Variants in WNT3A observed in about 807,000 individuals in gnomAD.
The protein encoded by WNT3A is Wnt family member 3A.
In WNT3A, 17 loss-of-function variants were observed where a neutral mutation model predicts 37.0. The ratio of observed to expected loss-of-function variants is 0.46; its 90% CI spans 0.31 to 0.69. The LOEUF (loss-of-function observed/expected upper bound fraction) is 0.69, where lower values mean the gene tolerates loss of function less well. WNT3A is among the 30% of genes least tolerant of loss of function. The pLI is 0.05. For missense variants in WNT3A, 411 were observed against 510.2 expected, an observed-to-expected ratio of 0.81 and a Z score of 1.87; for synonymous variants, 187 against 211.0, an observed-to-expected ratio of 0.89 and a Z score of 0.99.
chr1:228,029,771 C>A (rs537579443), intron 2 of WNT3A, among the ~76,000 whole-genome samples: 56 of 149,850 alleles, frequency 3.7e-4, no homozygotes, highest in African/African-American at 1.3e-3. Context: ...TTGAAATCCT[C>A]ACCCACAGGT....
At chr1:228,032,513 G>C (rs1272860278) in intron 2 of WNT3A, among the ~76,000 whole-genome samples, 1 of 152,208 alleles carries the variant, frequency 6.6e-6, no homozygotes, top group Admixed American at 6.5e-5. Flanking sequence ...CTAGGAGCCT[G>C]GTCATATACC....
Position 228,007,250 on chromosome 1 carries a change from G to T in WNT3A, c.71+51G>T. On this transcript the variant is annotated intron_variant, in intron 1 of 3. Transcript: ENST00000284523. The surrounding 1 kb of genome is among the most constrained non-coding windows in gnomAD (Gnocchi z 6.0). Reference sequence around the variant, plus strand: ...CCTGCCCCTGTGCGCCGCGCCCGCAGCAGACGGTCCCCTCGGGCAGGGACC... The same window carrying T: ...CCTGCCCCTGTGCGCCGCGCCCGCATCAGACGGTCCCCTCGGGCAGGGACC... 6.4e-7 allele frequency: 1 copy of T among 1,555,834 alleles called. No individual in the cohort carries two copies. The highest frequency in any genetic ancestry group is 1.2e-5 in the South Asian group (1 of 85,096).
chr1:228,045,223 TCTC>T (rs2031372986), intron 2 of WNT3A, among the ~76,000 whole-genome samples: 1 of 152,182 alleles, frequency 6.6e-6, no homozygotes, highest in African/African-American at 2.4e-5. Context: ...AGGCTCTGGT[TCTC>T]CTCTTACCAG....
At position 228,034,025 on chromosome 1, in the gene WNT3A, G is replaced by A. The variant is rs574199753; in HGVS notation, c.313+11117G>A. On this transcript the variant is annotated intron_variant, in intron 2 of 3. Coordinates refer to ENST00000284523, the MANE Select transcript of WNT3A (RefSeq NM_033131.4). ...GCCTGTAATCCCAGCACTTTGGGAG[G>A]CCAAGACAGGGAGATCATTTGAGGT... 9.9e-5 allele frequency among the ~76,000 whole-genome samples: 15 copies of A among 152,280 alleles called. No homozygotes were observed. In the East Asian group the frequency reaches 1.7e-3, roughly 18 times the overall value.
At position 228,046,907 on chromosome 1, in the gene WNT3A, G is replaced by A. The variant is rs117746228; in HGVS notation, c.314-3749G>A. Among the ~76,000 whole-genome samples, 570 of 152,238 alleles carry A rather than the reference G, an allele frequency of 3.7e-3. 11 individuals carry two copies. The highest frequency in any genetic ancestry group is 0.03 in the East Asian group (157 of 5,184). On this transcript the variant is annotated intron_variant, in intron 2 of 3. Coordinates refer to ENST00000284523, the MANE Select transcript of WNT3A (RefSeq NM_033131.4). ...GGTATGCATGTGTCTGTGTGCGCAC[G>A]CATGTGCGCATGTGGCTGTGCATGC... is the stretch of plus-strand genomic sequence containing the variant.
chr1:228,024,375 T>C (rs2030803804), intron 2 of WNT3A, among the ~76,000 whole-genome samples: 1 of 152,256 alleles, frequency 6.6e-6, no homozygotes, highest in African/African-American at 2.4e-5. Flanking sequence ...GAGTGTGAAG[T>C]AGAACCTACT....
chr1:228,021,327 T>C (rs2030700166), intron 1 of WNT3A, among the ~76,000 whole-genome samples: 1 of 152,246 alleles, frequency 6.6e-6, no homozygotes, highest in African/African-American at 2.4e-5. Context: ...AGGTGTCGAA[T>C]GCCTTTTGCC....
rs760745805 is a variant in WNT3A, at chr1:228,007,467, G to T, written c.71+268G>T. Among the ~76,000 whole-genome samples, 1 of 152,160 alleles carries T rather than the reference G, an allele frequency of 6.6e-6. No homozygotes were observed. ...GAGGTCCTAGCTGCCCCTGGCGTCG[G>T]ACAGGGCGAGCAGTGGGCTGGGGAG... On this transcript the variant is annotated intron_variant, in intron 1 of 3. Coordinates refer to ENST00000284523, the MANE Select transcript of WNT3A (RefSeq NM_033131.4). The surrounding 1 kb of genome is among the most constrained non-coding windows in gnomAD (Gnocchi z 6.0).
chr1:228,055,180 ATATATATATATATATAT>A (rs1489904904), intron 3 of WNT3A, among the ~76,000 whole-genome samples: 155 of 14,798 alleles, frequency 0.01, 10 homozygotes, highest in African/African-American at 0.037. Flanking sequence ...AAAAAAAAAA[ATATATATATATATATAT>A]ATATATATAT....
At chr1:228,022,569 C>A in intron 1 of WNT3A, 98 bp from the exon 2 acceptor site, 1 of 1,428,644 alleles carries the variant, frequency 7.0e-7, no homozygotes, top group Non-Finnish European at 9.3e-7. Context: ...GTCTCGCCCC[C>A]CGAATGCACT....
intron 1 of WNT3A, among the ~76,000 whole-genome samples, chr1:228,011,924 G>A (rs141446269): frequency 6.4e-4 from 97 of 152,310 alleles, no homozygotes; most frequent in Non-Finnish European, 1.1e-3. Flanking sequence ...ATCCGTAGCC[G>A]CCTCAGGGAC....
Position 228,007,349 on chromosome 1 carries a change from G to C in WNT3A, c.71+150G>C. On this transcript the variant is annotated intron_variant, in intron 1 of 3. Coordinates refer to ENST00000284523, the MANE Select transcript of WNT3A (RefSeq NM_033131.4). The surrounding 1 kb of genome is among the most constrained non-coding windows in gnomAD (Gnocchi z 6.0). The stretch of plus-strand genomic sequence containing the variant: ...CCGCGGGCGGTTGGTTTTCCTTGAC[G>C]GCCACTTTGGACCTGTTCAGGCCGC... 2 of 706,310 alleles carry C rather than the reference G, an allele frequency of 2.8e-6. No individual in the cohort carries two copies. The highest frequency in any genetic ancestry group is 4.3e-6 in the Non-Finnish European group (2 of 460,598). 43.8% of individuals were successfully genotyped at this position (706,310 alleles called of 1,614,324 possible).
chr1:228,022,756 G>T lies in WNT3A; in HGVS notation c.161G>T (p.Arg54Leu), dbSNP rs1335028571. Residue 54 changes from arginine to leucine, a missense_variant, in exon 2 of 4, where the codon CGC becomes CTC. By Grantham distance (102) the Arg-to-Leu change is moderately radical (BLOSUM62 -2). Transcript: ENST00000284523. ...CCGGGCCTGGTCCCCAAGCAGCTCC[G>T]CTTCTGCAGGAACTACGTGGAGATC... The part of the protein sequence containing the change: ...SIPGLVPKQL[R>L]FCRNYVEIMP... The T allele has an allele frequency of 1.9e-6, 3 of 1,614,168 alleles. No homozygotes were observed. The East Asian group carries it at 6.7e-5, about 36-fold the overall frequency.
intron 3 of WNT3A, among the ~76,000 whole-genome samples, chr1:228,055,219 T>TATATATATAC (rs1422386068): frequency 6.1e-5 from 6 of 98,456 alleles, no homozygotes; most frequent in African/African-American, 1.9e-4. Flanking sequence ...TATATATATA[T>TATATATATAC]ACACACACAC....
Position 228,007,048 on chromosome 1 carries a change from G to C in WNT3A, c.-81G>C. The C allele has an allele frequency of 9.1e-7, 1 of 1,097,130 alleles. No individual in the cohort carries two copies. Among genetic ancestry groups the C allele is most frequent in the Non-Finnish European group, 1.2e-6 (1 of 845,530 alleles). 68.0% of individuals were successfully genotyped at this position (1,097,130 alleles called of 1,614,324 possible). A position where few individuals can be genotyped will look rare whatever the true frequency, so the allele number is the denominator to read the frequency against. On this transcript the variant is annotated 5_prime_UTR_variant, in exon 1 of 4. Coordinates refer to ENST00000284523, the MANE Select transcript of WNT3A (RefSeq NM_033131.4). This position sits in a 1 kb window ranked among gnomAD's most constrained non-coding sequence, Gnocchi z 6.0. ...CAGGAGGGCCCAGCGACGCCGCCGC[G>C]CCAGCTCCCAGGGCCCGGCCCCCCC...
At chr1:228,011,049 CT>C (rs1459820702) in intron 1 of WNT3A, among the ~76,000 whole-genome samples, 2 of 152,188 alleles carry the variant, frequency 1.3e-5, no homozygotes, top group Non-Finnish European at 2.9e-5. Context: ...CACTTCGCCC[CT>C]GTGTCCTCAG....
rs1026383217 is a variant in WNT3A, at chr1:228,060,519, G to A, written c.*1054G>A. On this transcript the variant is annotated 3_prime_UTR_variant, in exon 4 of 4. Coordinates refer to ENST00000284523, the MANE Select transcript of WNT3A (RefSeq NM_033131.4). ...AAGCTTAGTCCTGGGAGAGGACAGG[G>A]ACTTCGCAGAGGCAAGCGACCGAGG... 3.5e-5 allele frequency: 11 copies of A among 314,736 alleles called. No individual in the cohort carries two copies. The highest frequency in any genetic ancestry group is 3.3e-4 in the Admixed American group (8 of 24,568). The allele number at this position is 314,736 out of a possible 1,614,324, so 19.5% of individuals were successfully genotyped here.
rs145797401 is a variant in WNT3A, at chr1:228,022,747, A to G, written c.152A>G (p.Lys51Arg). Residue 51 changes from lysine to arginine, a missense_variant, in exon 2 of 4, where the codon AAG becomes AGG. Coordinates refer to ENST00000284523, the MANE Select transcript of WNT3A (RefSeq NM_033131.4). ...LCASIPGLVP[K>R]QLRFCRNYVE... ...GCCAGCATCCCGGGCCTGGTCCCCAAGCAGCTCCGCTTCTGCAGGAACTAC... is the reference window on the plus strand; with the variant it reads ...GCCAGCATCCCGGGCCTGGTCCCCAGGCAGCTCCGCTTCTGCAGGAACTAC... 2.7e-5 allele frequency: 43 copies of G among 1,614,052 alleles called. No individual in the cohort carries two copies. The highest frequency in any genetic ancestry group is 1.6e-4 in the Middle Eastern group (1 of 6,084).
In WNT3A at chr1:228,038,558, A is replaced by T. The variant is rs1571806278; in HGVS notation, c.314-12098A>T. ...GGTGGTCCTAGCTGGGATCCAAGGC[A>T]CCCCCCTCACTCAGCCAGCCCCTTC... is the stretch of plus-strand genomic sequence containing the variant. On this transcript the variant is annotated intron_variant, in intron 2 of 3. Transcript: ENST00000284523. This position sits in a 1 kb window ranked among gnomAD's most constrained non-coding sequence, Gnocchi z 5.7. Among the ~76,000 whole-genome samples the T allele has an allele frequency of 6.6e-6, 1 of 151,638 alleles. No homozygotes were observed. The highest frequency in any genetic ancestry group is 1.5e-5 in the Non-Finnish European group (1 of 67,890).
Sources: allele counts gnomAD v4.1 joint callset (sites outside exome capture counted in the v4.1 genomes callset), GRCh38; gene constraint gnomAD v4.1.1; non-coding constraint Gnocchi (gnomAD v3.1); transcripts MANE v1.5; gene names NCBI Gene and HGNC (gene_info 2026-07-23, HGNC 2026-07-21).